The following MLC1 variants were observed in gnomAD, a reference collection of about 807,000 sequenced individuals.
The protein encoded by MLC1 is membrane protein MLC1.
Under a neutral mutation model 44.7 loss-of-function variants are expected in MLC1, and 32 were observed. The ratio of observed to expected loss-of-function variants is 0.72; its 90% CI spans 0.54 to 0.96. The LOEUF is 0.96. Ranked by LOEUF, MLC1 falls within the 40% of genes least tolerant of loss-of-function variation. The probability of loss-of-function intolerance (pLI) is 0.00; values close to 1 mark genes in which losing one functional copy is unlikely to be tolerated. For synonymous variants in MLC1, 190 were observed against 213.0 expected (o/e 0.89, Z 0.94); for missense variants, 459 against 492.2 (o/e 0.93, Z 0.64).
intron 11 of MLC1, 47 bp from the exon 12 acceptor site, chr22:50,061,704 C>A (rs764296487): frequency 1.9e-6 from 3 of 1,561,898 alleles, no homozygotes; most frequent in African/African-American, 2.7e-5. Flanking sequence ...GCCACCTGTG[C>A]GGCGGGAAGG....
intron 3 of MLC1, among the ~76,000 whole-genome samples, chr22:50,082,344 G>A (rs1462755350): frequency 2.0e-5 from 3 of 152,364 alleles, no homozygotes; most frequent in Admixed American, 1.3e-4. Context: ...GGCAGTGGCC[G>A]GGGTTCACAG....
intron 4 of MLC1, 123 bp from the exon 5 acceptor site, chr22:50,080,142 C>T: frequency 9.9e-7 from 1 of 1,006,748 alleles, no homozygotes; most frequent in Non-Finnish European, 1.5e-6. Flanking sequence ...GGTGGGGAGT[C>T]CTGCGTGCTC....
In MLC1 at chr22:50,083,345, A is replaced by G. The variant is rs1248758480; in HGVS notation, c.178-172T>C. ...ATCCTGGACTCCTCCTGTAGGACAG[A>G]CGCAGCCCCGCCGCAGCCCAGGACA... is the stretch of plus-strand genomic sequence containing the variant. On this transcript the variant is annotated intron_variant, in intron 2 of 11. Transcript: ENST00000311597. This position sits in a 1 kb window ranked among gnomAD's most constrained non-coding sequence, Gnocchi z 4.6. Among the ~76,000 whole-genome samples, 2 of 152,024 alleles carry G rather than the reference A, an allele frequency of 1.3e-5. No homozygotes were observed. Among genetic ancestry groups the G allele is most frequent in the African/African-American group, 4.8e-5 (2 of 41,378 alleles).
intron 6 of MLC1, 102 bp from the exon 7 acceptor site, chr22:50,077,014 G>A (rs560867813): frequency 9.6e-6 from 12 of 1,254,940 alleles, no homozygotes; most frequent in African/African-American, 1.5e-5. Context: ...TCAGCCTGCC[G>A]TGTAGATGCG....
At chr22:50,073,468 C>T (rs1314994623) in intron 8 of MLC1, among the ~76,000 whole-genome samples, 1 of 152,184 alleles carries the variant, frequency 6.6e-6, no homozygotes, top group African/African-American at 2.4e-5. Flanking sequence ...TGAGGGAACA[C>T]ACCTGTAATC....
chr22:50,070,383 C>A, intron 9 of MLC1, 144 bp downstream of exon 9: 1 of 840,862 alleles, frequency 1.2e-6, no homozygotes, highest in African/African-American at 1.7e-5. Context: ...CACAACCCCA[C>A]CTTCCTCATT....
intron 1 of MLC1, 177 bp from the exon 2 acceptor site, chr22:50,085,138 C>G (rs2062250236): frequency 1.4e-5 from 19 of 1,400,072 alleles, no homozygotes; most frequent in Non-Finnish European, 4.6e-6. Flanking sequence ...GAAAAACGGA[C>G]CTGAATAGTC....
intron 5 of MLC1, among the ~76,000 whole-genome samples, chr22:50,078,472 C>T (rs2146892892): frequency 6.6e-6 from 1 of 151,868 alleles, no homozygotes; most frequent in East Asian, 1.9e-4. Flanking sequence ...AGGGAGGCGG[C>T]TCACGCCTGT....
Position 50,061,025 on chromosome 22 carries a change from G to C in MLC1, c.*558C>G. On this transcript the variant is annotated 3_prime_UTR_variant, in exon 12 of 12. Coordinates refer to ENST00000311597, the MANE Select transcript of MLC1 (RefSeq NM_015166.4). ...CTGCGGCTCCCGGGCCAGGACAGAG[G>C]CGCCCAGCCCTGCTCTCACTGTCCA... The C allele has an allele frequency of 6.2e-6, 1 of 161,962 alleles. No homozygotes were observed. The highest frequency in any genetic ancestry group is 1.7e-4 in the South Asian group (1 of 5,972). 10.0% of individuals were successfully genotyped at this position (161,962 alleles called of 1,614,324 possible). A position where few individuals can be genotyped will look rare whatever the true frequency, so the allele number is the denominator to read the frequency against.
chr22:50,078,760 C>T (rs915727658), intron 5 of MLC1, among the ~76,000 whole-genome samples: 71 of 151,246 alleles, frequency 4.7e-4, no homozygotes, highest in African/African-American at 1.7e-3. Context: ...AATGACAGAT[C>T]AAAAAGACAA....
chr22:50,080,165 CCT>C (rs752667091), intron 4 of MLC1, 146 bp from the exon 5 acceptor site: 2 of 1,077,218 alleles, frequency 1.9e-6, no homozygotes, highest in Non-Finnish European at 2.8e-6. Context: ...CCCGCTCTCC[CCT>C]CTGTGCGGCA....
chr22:50,081,724 G>A (rs922633292), intron 3 of MLC1, among the ~76,000 whole-genome samples: 2 of 152,258 alleles, frequency 1.3e-5, no homozygotes, highest in African/African-American at 4.8e-5. Context: ...GGCCAGGACA[G>A]CCAGGCTCAG....
At position 50,061,694 on chromosome 22, in the gene MLC1, G is replaced by A. The variant is rs1225994692; in HGVS notation, c.1060-37C>T. 5 of 1,582,348 alleles carry A rather than the reference G, an allele frequency of 3.2e-6. No individual in the cohort carries two copies. In the East Asian group the frequency reaches 1.1e-4, roughly 35 times the overall value. On this transcript the variant is annotated intron_variant, in intron 11 of 11. Transcript: ENST00000311597. ...ACAGGAAAGGTGTTACTTCACCAGG[G>A]CCACCTGTGCGGCGGGAAGGTGGAC...
In MLC1 at chr22:50,061,326, A is replaced by C; in HGVS notation, c.*257T>G. The C allele has an allele frequency of 1.5e-5, 8 of 531,164 alleles. No homozygotes were observed. Among genetic ancestry groups the C allele is most frequent in the East Asian group, 3.3e-5 (1 of 30,364 alleles). The allele number at this position is 531,164 out of a possible 1,614,324, so 32.9% of individuals were successfully genotyped here. A position where few individuals can be genotyped will look rare whatever the true frequency, so the allele number is the denominator to read the frequency against. On this transcript the variant is annotated 3_prime_UTR_variant, in exon 12 of 12. Transcript: ENST00000311597. ...CCGGGGGCCCTTCCTCGGCCTGGGA[A>C]GTTGCGGCCATGCTCCTGCTGTTAC...
rs553409217 is a variant in MLC1, at chr22:50,076,983, C to G, written c.526-71G>C. On this transcript the variant is annotated intron_variant, in intron 6 of 11. Coordinates refer to ENST00000311597, the MANE Select transcript of MLC1 (RefSeq NM_015166.4). Reference sequence around the variant, plus strand: ...CTCAGCACTGCCGCTGGCATCCGGCCGCCGTGGGCAGTGGGTCAGGTCAGC... The same window carrying G: ...CTCAGCACTGCCGCTGGCATCCGGCGGCCGTGGGCAGTGGGTCAGGTCAGC... 12,247 of 1,561,452 alleles carry G rather than the reference C, an allele frequency of 7.8e-3. 71 individuals are homozygous for G. Among genetic ancestry groups the G allele is most frequent in the Non-Finnish European group, 8.0e-3 (9,049 of 1,132,998 alleles).
Position 50,060,084 on chromosome 22 carries a change from G to A in MLC1, c.*1499C>T, listed in dbSNP as rs144067372. 547 of 152,420 alleles carry A rather than the reference G, an allele frequency of 3.6e-3. 2 individuals carry two copies. Among genetic ancestry groups the A allele is most frequent in the South Asian group, 0.014 (66 of 4,830 alleles). 9.4% of individuals were successfully genotyped at this position (152,420 alleles called of 1,614,324 possible). On this transcript the variant is annotated 3_prime_UTR_variant, in exon 12 of 12. Coordinates refer to ENST00000311597, the MANE Select transcript of MLC1 (RefSeq NM_015166.4). ...GGCCCCAGGCCACAGATGCATCTCC[G>A]GGCCTTTCCAGCAGCCCATGGGGGA...
chr22:50,061,742 G>A (rs1183197978), intron 11 of MLC1, 85 bp from the exon 12 acceptor site: 16 of 1,263,066 alleles, frequency 1.3e-5, no homozygotes, highest in East Asian at 2.3e-5. Context: ...CACAGGCAGC[G>A]AGCAGCCAGC....
chr22:50,071,021 C>T (rs149299088), intron 8 of MLC1, among the ~76,000 whole-genome samples: 2 of 152,308 alleles, frequency 1.3e-5, no homozygotes, highest in East Asian at 1.9e-4. Context: ...AGAGACTCCA[C>T]GTGGGGCCGA....
intron 11 of MLC1, among the ~76,000 whole-genome samples, chr22:50,062,645 G>T (rs894212156): frequency 6.6e-6 from 1 of 152,258 alleles, no homozygotes; most frequent in Non-Finnish European, 1.5e-5. Flanking sequence ...TCTGAGGCCG[G>T]TGGTGTGCTG....
Sources: gnomAD v4.1 joint callset for allele counts (sites outside exome capture counted in the v4.1 genomes callset) on GRCh38, gnomAD v4.1.1 for gene constraint, Gnocchi (gnomAD v3.1) non-coding constraint, MANE v1.5 for transcripts, NCBI Gene and HGNC (gene_info 2026-07-23, HGNC 2026-07-21) for gene names.